Variants in ZNF469 observed in about 807,000 individuals in gnomAD.
The protein encoded by ZNF469 is zinc finger protein 469.
In ZNF469, 1 loss-of-function variant was observed where a neutral mutation model predicts 1.0. That is an observed-to-expected ratio of 1.00 (90% CI 0.35 to 4.73). The LOEUF is 4.73. Ranked by LOEUF, ZNF469 falls within the 30% of genes most tolerant of loss-of-function variation. ZNF469 has a pLI of 0.16. For synonymous variants in ZNF469, 2,703 were observed against 2,363.4 expected (o/e 1.14, Z -4.17); for missense variants, 6,100 against 5,356.3 (o/e 1.14, Z -4.33).
At chr16:88,264,664 G>A in the ZNF469 span, among the ~76,000 whole-genome samples, 56,576 of 147,218 alleles carry the variant, frequency 0.38, 11,770 homozygotes, top group East Asian at 0.62. Context: ...GGCCAGAGGA[G>A]ACACACCTTT....
chr16:88,364,575 C>T, the ZNF469 span, among the ~76,000 whole-genome samples: 21 of 149,286 alleles, frequency 1.4e-4, no homozygotes, highest in Middle Eastern at 3.5e-3. Flanking sequence ...GAAGAATCAA[C>T]GTCTTTCCAT....
At chr16:88,188,445 G>A in the ZNF469 span, among the ~76,000 whole-genome samples, 4 of 152,210 alleles carry the variant, frequency 2.6e-5, no homozygotes, top group African/African-American at 4.8e-5. Context: ...CCTAGTGGAC[G>A]GCATGGGCTG....
At chr16:88,160,393 G>A in the ZNF469 span, among the ~76,000 whole-genome samples, 14 of 152,306 alleles carry the variant, frequency 9.2e-5, no homozygotes, top group South Asian at 8.3e-4. Flanking sequence ...GTCCGAGACC[G>A]GCATTTTTAA....
upstream of ZNF469, among the ~76,000 whole-genome samples, chr16:88,381,027 C>G: frequency 6.7e-6 from 1 of 149,502 alleles, no homozygotes; most frequent in Non-Finnish European, 1.5e-5. Context: ...CACAGACATG[C>G]ACTCACACAC....
chr16:88,403,105 C>T (rs543266083), intron 1 of ZNF469, among the ~76,000 whole-genome samples: 2 of 152,094 alleles, frequency 1.3e-5, no homozygotes, highest in African/African-American at 4.8e-5. Flanking sequence ...TGGGAGGGAT[C>T]GGGGAGTCCA....
rs534411403 is a variant in ZNF469 at position 88,424,438 on chromosome 16, G to A, written c.-191-369G>A. ...CCCAGCGGGACTGGGGAGGGATCCTGGCAGGGATGGGAGGGGCAGCGTTCT... is the reference window on the plus strand; with the variant it reads ...CCCAGCGGGACTGGGGAGGGATCCTAGCAGGGATGGGAGGGGCAGCGTTCT... On this transcript the variant is annotated intron_variant, in intron 1 of 2. Coordinates refer to ENST00000565624, the MANE Select transcript of ZNF469 (RefSeq NM_001367624.2). The surrounding 1 kb of genome is among the most constrained non-coding windows in gnomAD (Gnocchi z 4.3). Among the ~76,000 whole-genome samples the A allele has an allele frequency of 2.6e-5, 4 of 152,314 alleles. No individual in the cohort carries two copies. Among genetic ancestry groups the A allele is most frequent in the African/African-American group, 9.6e-5 (4 of 41,572 alleles).
Position 88,430,349 on chromosome 16 carries a change from C to G in ZNF469, c.2879C>G (p.Ser960Trp). The change falls in exon 3 of 3, where the codon TCG becomes TGG. Residue 960 changes from serine to tryptophan, a missense_variant. Coordinates refer to ENST00000565624, the MANE Select transcript of ZNF469 (RefSeq NM_001367624.2). ...QLKLFRKDLDSGGAAEGSGSG... is the reference protein window; with the variant it reads ...QLKLFRKDLDWGGAAEGSGSG... Reference sequence around the variant, plus strand: ...AAGCTGTTCCGGAAGGATCTGGACTCGGGCGGCGCAGCAGAGGGGTCGGGG... The same window carrying G: ...AAGCTGTTCCGGAAGGATCTGGACTGGGGCGGCGCAGCAGAGGGGTCGGGG... 1 of 1,513,158 alleles carries G rather than the reference C, an allele frequency of 6.6e-7. No individual in the cohort carries two copies. 93.7% of individuals were successfully genotyped at this position (1,513,158 alleles called of 1,614,324 possible).
At chr16:88,300,853 TCAGGAGTTGGA>T in the ZNF469 span, among the ~76,000 whole-genome samples, 3 of 152,064 alleles carry the variant, frequency 2.0e-5, no homozygotes, top group Admixed American at 1.3e-4. Flanking sequence ...TCACCTGAGG[TCAGGAGTTGGA>T]GACCAGCCTG....
chr16:88,320,440 A>G, the ZNF469 span, among the ~76,000 whole-genome samples: 5 of 152,062 alleles, frequency 3.3e-5, no homozygotes, highest in African/African-American at 1.2e-4. Context: ...CTGGAGTGCA[A>G]TGGCATGATG....
rs1267548876 is a variant in ZNF469 at position 88,427,759 on chromosome 16, C to G, written c.289C>G (p.Pro97Ala). 2 of 1,544,716 alleles carry G rather than the reference C, an allele frequency of 1.3e-6. No individual in the cohort carries two copies. The highest frequency in any genetic ancestry group is 3.9e-5 in the Admixed American group (2 of 50,936). Residue 97 changes from proline (P) to alanine (A), a missense_variant, in exon 3 of 3, where the codon CCG (proline) becomes GCG (alanine). Pro to Ala is a conservative substitution (Grantham distance 27). Transcript: ENST00000565624. The part of the protein sequence containing the change: ...PGKRGSPQTP[P>A]GRSPLQAPSR... The stretch of plus-strand genomic sequence containing the variant: ...GAAGAGGGGCAGCCCCCAGACCCCA[C>G]CGGGGAGAAGCCCCTTGCAGGCTCC...
At chr16:88,221,765 G>C in the ZNF469 span, among the ~76,000 whole-genome samples, 1 of 152,310 alleles carries the variant, frequency 6.6e-6, no homozygotes. Context: ...GACTCCTTCT[G>C]GGGTCTCCGA....
At chr16:88,320,243 C>T in the ZNF469 span, among the ~76,000 whole-genome samples, 1 of 152,340 alleles carries the variant, frequency 6.6e-6, no homozygotes, top group Non-Finnish European at 1.5e-5. Flanking sequence ...TTTTAAATGT[C>T]ATCTTCAGAA....
At chr16:88,146,752 G>C in the ZNF469 span, among the ~76,000 whole-genome samples, 1 of 152,200 alleles carries the variant, frequency 6.6e-6, no homozygotes, top group Admixed American at 6.5e-5. Context: ...TTGCACCTGA[G>C]AGAAGGGGCT....
chr16:88,342,471 G>C, the ZNF469 span, among the ~76,000 whole-genome samples: 2 of 152,200 alleles, frequency 1.3e-5, no homozygotes, highest in African/African-American at 4.8e-5. Flanking sequence ...GAGGGTCAGA[G>C]AGGATGATCG....
chr16:88,136,807 G>A, the ZNF469 span, among the ~76,000 whole-genome samples: 2 of 152,254 alleles, frequency 1.3e-5, no homozygotes, highest in Admixed American at 6.5e-5. Context: ...GTACAGGGCA[G>A]GGCCTGGGTG....
chr16:88,334,769 A>G, the ZNF469 span, among the ~76,000 whole-genome samples: 2 of 152,294 alleles, frequency 1.3e-5, no homozygotes, highest in South Asian at 2.1e-4. Context: ...TGAGATGGGA[A>G]GATGCCGACG....
the ZNF469 span, among the ~76,000 whole-genome samples, chr16:88,108,533 G>A: frequency 6.6e-6 from 1 of 152,196 alleles, no homozygotes; most frequent in East Asian, 1.9e-4. Context: ...GGACTTCTGG[G>A]GGTGAGGATC....
chr16:88,308,470 A>G, the ZNF469 span, among the ~76,000 whole-genome samples: 522 of 152,340 alleles, frequency 3.4e-3, 4 homozygotes, highest in African/African-American at 0.011. Context: ...TCTTTCACCA[A>G]TAATGAGTTA....
the ZNF469 span, among the ~76,000 whole-genome samples, chr16:88,266,545 G>A: frequency 6.6e-6 from 1 of 152,254 alleles, no homozygotes; most frequent in Admixed American, 6.5e-5. Context: ...AGAAAGGATT[G>A]CATCTTGGGG....
Sources: allele counts gnomAD v4.1 joint callset (sites outside exome capture counted in the v4.1 genomes callset), GRCh38; gene constraint gnomAD v4.1.1; non-coding constraint Gnocchi (gnomAD v3.1); transcripts MANE v1.5; gene names NCBI Gene and HGNC (gene_info 2026-07-23, HGNC 2026-07-21).